MAF: variants seen among roughly 807,000 people sequenced by gnomAD.
MAF encodes transcription factor Maf.
A neutral mutation model predicts 22.0 loss-of-function variants in MAF; 10 were observed. That is an observed-to-expected ratio of 0.45 (90% CI 0.28 to 0.77). MAF has a LOEUF of 0.77. Among genes scored for constraint, MAF ranks in the 30% least tolerant of loss-of-function variants. The pLI is 0.12. For missense variants in MAF, 544 were observed against 548.4 expected (o/e 0.99, Z 0.08); for synonymous variants, 337 against 255.8 (o/e 1.32, Z -3.03).
chr16:79,223,566 A>G, the MAF span, among the ~76,000 whole-genome samples: 6 of 152,344 alleles, frequency 3.9e-5, no homozygotes, highest in East Asian at 1.2e-3. Context: ...AAATCAATGA[A>G]TCCAGAAACT....
chr16:79,546,080 T>C, the MAF span, among the ~76,000 whole-genome samples: 5 of 151,954 alleles, frequency 3.3e-5, no homozygotes, highest in African/African-American at 1.2e-4. Context: ...TATCACTACA[T>C]TGGAAAAAAT....
chr16:79,554,245 G>A, the MAF span, among the ~76,000 whole-genome samples: 1 of 152,162 alleles, frequency 6.6e-6, no homozygotes. Context: ...AACAGCCCAA[G>A]AGGTAGGAAG....
the MAF span, among the ~76,000 whole-genome samples, chr16:79,564,893 C>T: frequency 7.2e-5 from 11 of 152,066 alleles, no homozygotes; most frequent in African/African-American, 4.8e-5. Context: ...CTTGCTCTTA[C>T]GAAGGAATAA....
the MAF span, among the ~76,000 whole-genome samples, chr16:79,261,070 G>A: frequency 1.3e-5 from 2 of 152,110 alleles, no homozygotes; most frequent in East Asian, 1.9e-4. Flanking sequence ...AAGCAGTGGG[G>A]TGAAAGGAGC....
At chr16:79,369,999 C>T in the MAF span, among the ~76,000 whole-genome samples, 8 of 152,318 alleles carry the variant, frequency 5.3e-5, no homozygotes, top group East Asian at 3.9e-4. Flanking sequence ...AGAAATGTCA[C>T]GGAGGTGACT....
the MAF span, among the ~76,000 whole-genome samples, chr16:79,229,996 T>G: frequency 6.8e-6 from 1 of 148,070 alleles, no homozygotes; most frequent in Non-Finnish European, 1.5e-5. Context: ...GGATAGTTGC[T>G]TACAGAAAAA....
At chr16:79,373,930 A>G in the MAF span, among the ~76,000 whole-genome samples, 1 of 152,216 alleles carries the variant, frequency 6.6e-6, no homozygotes, top group East Asian at 1.9e-4. Flanking sequence ...ATCAATAAAT[A>G]ACTGAATAAA....
the MAF span, among the ~76,000 whole-genome samples, chr16:79,553,553 C>G: frequency 6.6e-6 from 1 of 152,228 alleles, no homozygotes; most frequent in Non-Finnish European, 1.5e-5. Context: ...AGTCTGTCAT[C>G]TCACCCGGAG....
chr16:79,347,133 C>T, the MAF span, among the ~76,000 whole-genome samples: 1 of 152,324 alleles, frequency 6.6e-6, no homozygotes, highest in Middle Eastern at 3.4e-3. Context: ...AGAAACTGGC[C>T]AGGCTATTTC....
the MAF span, among the ~76,000 whole-genome samples, chr16:79,270,751 T>G: frequency 6.6e-6 from 1 of 152,096 alleles, no homozygotes; most frequent in Non-Finnish European, 1.5e-5. Flanking sequence ...TGGAAGGCGA[T>G]CTCTTCCTGG....
chr16:79,256,213 C>T, the MAF span, among the ~76,000 whole-genome samples: 90 of 151,674 alleles, frequency 5.9e-4, no homozygotes, highest in South Asian at 3.6e-3. Context: ...TGGTCTCAAT[C>T]TCCTGACCTC....
At chr16:79,300,493 T>G in the MAF span, among the ~76,000 whole-genome samples, 1 of 152,070 alleles carries the variant, frequency 6.6e-6, no homozygotes, top group Admixed American at 6.6e-5. Flanking sequence ...AGGTGGAGGT[T>G]GCAGTGAGTG....
chr16:79,405,852 T>A, the MAF span, among the ~76,000 whole-genome samples: 1 of 152,208 alleles, frequency 6.6e-6, no homozygotes, highest in Non-Finnish European at 1.5e-5. Context: ...AGGTAGCAGA[T>A]GCCACCCGTC....
the MAF span, among the ~76,000 whole-genome samples, chr16:79,374,298 A>G: frequency 6.6e-6 from 1 of 152,114 alleles, no homozygotes; most frequent in African/African-American, 2.4e-5. Flanking sequence ...TCAGAATCTC[A>G]GTGTTGTTCT....
chr16:79,396,114 A>C, the MAF span, among the ~76,000 whole-genome samples: 3 of 152,204 alleles, frequency 2.0e-5, no homozygotes, highest in Non-Finnish European at 2.9e-5. Context: ...AGAGGATCTT[A>C]AGCACAATCT....
chr16:79,385,088 T>C, the MAF span, among the ~76,000 whole-genome samples: 1 of 152,180 alleles, frequency 6.6e-6, no homozygotes, highest in East Asian at 1.9e-4. Context: ...CTAGGGAGAT[T>C]GCTAGACATA....
intron 1 of MAF, among the ~76,000 whole-genome samples, chr16:79,588,307 C>T (rs1439643091): frequency 6.6e-6 from 1 of 152,182 alleles, no homozygotes; most frequent in African/African-American, 2.4e-5. Context: ...GGGAAGATTG[C>T]CCTAAGACAG....
At chr16:79,383,488 C>T in the MAF span, among the ~76,000 whole-genome samples, 1 of 152,166 alleles carries the variant, frequency 6.6e-6, no homozygotes, top group Admixed American at 6.5e-5. Context: ...TGGATTCTCA[C>T]CAAGTTGGTT....
the MAF span, among the ~76,000 whole-genome samples, chr16:79,361,328 T>C: frequency 6.6e-6 from 1 of 152,152 alleles, no homozygotes; most frequent in Non-Finnish European, 1.5e-5. Context: ...CCAGGAAGGA[T>C]GTGGAAATCA....
Sources: gnomAD v4.1 joint callset for allele counts (sites outside exome capture counted in the v4.1 genomes callset) on GRCh38, gnomAD v4.1.1 for gene constraint, MANE v1.5 for transcripts, NCBI Gene and HGNC (gene_info 2026-07-23, HGNC 2026-07-21) for gene names.